The following IRF9 variants were observed in gnomAD, a reference collection of about 807,000 sequenced individuals.
IRF9 encodes IFN-alpha-responsive transcription factor subunit.
IRF9 carries 13 observed loss-of-function variants against 44.1 expected under a neutral mutation model. The observed-to-expected ratio is 0.29, with a 90% confidence interval of 0.19 to 0.47. IRF9 has a LOEUF of 0.47. Ranked by LOEUF, IRF9 falls within the 20% of genes least tolerant of loss-of-function variation. The pLI, the probability that IRF9 is intolerant of heterozygous loss-of-function variation, is 1.00. For missense variants in IRF9, 373 were observed against 496.1 expected (o/e 0.75, Z 2.36); for synonymous variants, 189 against 188.5 (o/e 1.00, Z -0.02).
intron 1 of IRF9, 147 bp from the exon 2 acceptor site, chr14:24,161,997 G>T: frequency 5.6e-6 from 4 of 709,436 alleles, no homozygotes; most frequent in Non-Finnish European, 9.7e-6. Flanking sequence ...CTGTCCCATA[G>T]AGTGTTGAAA....
rs1258496904 is a variant in IRF9, at chr14:24,164,802, C to G, written c.838C>G (p.Leu280Val). The G allele has an allele frequency of 6.2e-7, 1 of 1,610,070 alleles. No homozygotes were observed. Among genetic ancestry groups the G allele is most frequent in the Non-Finnish European group, 8.5e-7 (1 of 1,179,914 alleles). ...GCTGAGCCAGCTTGAGAGGGGCATC[C>G]TAGTGGCCAGCAACCCCCGAGGCCT... is the stretch of plus-strand genomic sequence containing the variant. ...RLLSQLERGI[L>V]VASNPRGLFV... is the part of the protein sequence containing the mutation. Residue 280 changes from leucine (L) to valine (V), a missense_variant, in exon 7 of 9, where the codon CTA becomes GTA. By Grantham distance (32) the Leu-to-Val change is conservative. Transcript: ENST00000396864. The surrounding 1 kb of genome is among the most constrained non-coding windows in gnomAD (Gnocchi z 5.2).
chr14:24,161,738 G>A (rs1172862806), intron 1 of IRF9, among the ~76,000 whole-genome samples: 1 of 152,136 alleles, frequency 6.6e-6, no homozygotes, highest in African/African-American at 2.4e-5. Flanking sequence ...TGGGTGAAGA[G>A]CCTGATGGAT....
chr14:24,163,549 A>G (rs1340834808), intron 4 of IRF9, 41 bp downstream of exon 4: 2 of 1,596,768 alleles, frequency 1.3e-6, no homozygotes, highest in Admixed American at 1.7e-5. Flanking sequence ...TAAGGGCAGG[A>G]CAGTAACCAG....
rs949543077 is a variant in IRF9, at chr14:24,164,600, T to C, written c.650-14T>C. The C allele has an allele frequency of 6.4e-6, 10 of 1,570,576 alleles. No homozygotes were observed. In the African/African-American group the frequency reaches 1.3e-4, roughly 21 times the overall value. Reference sequence around the variant, plus strand: ...ATGCTCCTCCAGCACCAGGTAGGGCTGTTCTATCCCCAGACTACTCACTGC... The same window carrying C: ...ATGCTCCTCCAGCACCAGGTAGGGCCGTTCTATCCCCAGACTACTCACTGC... On this transcript the variant is annotated splice_polypyrimidine_tract_variant and intron_variant, in intron 6 of 8. Transcript: ENST00000396864. This position sits in a 1 kb window ranked among gnomAD's most constrained non-coding sequence, Gnocchi z 5.2.
chr14:24,163,777 C>G, intron 4 of IRF9, 101 bp from the exon 5 acceptor site: 3 of 1,206,462 alleles, frequency 2.5e-6, no homozygotes, highest in Non-Finnish European at 3.5e-6. Context: ...GCGGAGATAG[C>G]AGTGAGCCGA....
intron 4 of IRF9, 39 bp from the exon 5 acceptor site, chr14:24,163,837 CAA>C (rs752202010): frequency 1.0e-5 from 16 of 1,562,578 alleles, no homozygotes; most frequent in Non-Finnish European, 1.4e-5. Flanking sequence ...AACTCTGTCT[CAA>C]AAAAAGAGAA....
Position 24,163,521 on chromosome 14 carries a change from G to A in IRF9, c.495+13G>A. ...CTCCCTCAATAATGTAAGAGATGGA[G>A]AGGGAACTGGGTGGGCCTAAGGGCA... On this transcript the variant is annotated intron_variant, in intron 4 of 8. Transcript: ENST00000396864. The A allele has an allele frequency of 6.2e-7, 1 of 1,613,176 alleles. No individual in the cohort carries two copies.
Position 24,162,004 on chromosome 14 carries a change from G to A in IRF9, c.-1-140G>A, listed in dbSNP as rs2038462837. On this transcript the variant is annotated intron_variant, in intron 1 of 8. Transcript: ENST00000396864. ...AAACAATTCTGTCCCATAGAGTGTTGAAATGTGTTTGGAGCTAAAAGAAGA... is the reference window on the plus strand; with the variant it reads ...AAACAATTCTGTCCCATAGAGTGTTAAAATGTGTTTGGAGCTAAAAGAAGA... 7 of 760,950 alleles carry A rather than the reference G, an allele frequency of 9.2e-6. No individual in the cohort carries two copies. In the East Asian group the frequency reaches 9.9e-5, roughly 11 times the overall value. The allele number at this position is 760,950 out of a possible 1,614,324, so 47.1% of individuals were successfully genotyped here. A position where few individuals can be genotyped will look rare whatever the true frequency, so the allele number is the denominator to read the frequency against.
At chr14:24,163,252 C>T in intron 3 of IRF9, 103 bp downstream of exon 3, 8 of 1,544,344 alleles carry the variant, frequency 5.2e-6, no homozygotes, top group African/African-American at 2.7e-5. Flanking sequence ...TGTCCATGCC[C>T]TTGGGGGGCT....
Position 24,164,463 on chromosome 14 carries a change from C to A in IRF9, c.650-151C>A. On this transcript the variant is annotated intron_variant, in intron 6 of 8. Coordinates refer to ENST00000396864, the MANE Select transcript of IRF9 (RefSeq NM_006084.5). The surrounding 1 kb of genome is among the most constrained non-coding windows in gnomAD (Gnocchi z 5.2). ...TGAGCCCTGAGGCCTCATGGTGAAT[C>A]ACATACTAGCTACTTGCCTCAGTGA... is the stretch of plus-strand genomic sequence containing the variant. The A allele has an allele frequency of 1.3e-6, 1 of 743,180 alleles. No homozygotes were observed. The highest frequency in any genetic ancestry group is 2.2e-6 in the Non-Finnish European group (1 of 449,088). The allele number at this position is 743,180 out of a possible 1,614,324, so 46.0% of individuals were successfully genotyped here.
Position 24,162,159 on chromosome 14 carries a change from G to T in IRF9, c.15G>T (p.Arg5Ser). The T allele has an allele frequency of 6.2e-7, 1 of 1,614,008 alleles. No individual in the cohort carries two copies. The highest frequency in any genetic ancestry group is 8.5e-7 in the Non-Finnish European group (1 of 1,179,944). Reference protein sequence around the residue: MASGRARCTRKLRNW... With the variant: MASGSARCTRKLRNW... ...TATCCCCCAGGATGGCATCAGGCAGGGCACGCTGCACCCGAAAACTCCGGA... is the reference window on the plus strand; with the variant it reads ...TATCCCCCAGGATGGCATCAGGCAGTGCACGCTGCACCCGAAAACTCCGGA... The change falls in exon 2 of 9, where the codon AGG (arginine) becomes AGT (serine). Residue 5 changes from arginine (R) to serine (S), a missense_variant. Physicochemically the swap from Arg to Ser is moderately radical, Grantham distance 110 (BLOSUM62 -1). This residue lies in a region of IRF9 where 227 missense variants were observed against 255.3 expected (regional missense o/e 0.89). Transcript: ENST00000396864.
At position 24,164,998 on chromosome 14, in the gene IRF9, C is replaced by T; in HGVS notation, c.991+43C>T. ...GGGCACATGAGCTTCCACCCCCTACCTCTTAGTACCCCCTGGGCCCAACTT... is the reference window on the plus strand; with the variant it reads ...GGGCACATGAGCTTCCACCCCCTACTTCTTAGTACCCCCTGGGCCCAACTT... On this transcript the variant is annotated intron_variant, in intron 7 of 8. Coordinates refer to ENST00000396864, the MANE Select transcript of IRF9 (RefSeq NM_006084.5). This position sits in a 1 kb window ranked among gnomAD's most constrained non-coding sequence, Gnocchi z 5.2. The T allele has an allele frequency of 6.3e-7, 1 of 1,583,096 alleles. No individual in the cohort carries two copies. The highest frequency in any genetic ancestry group is 8.6e-7 in the Non-Finnish European group (1 of 1,156,626).
chr14:24,161,778 G>A (rs1425670698), intron 1 of IRF9, among the ~76,000 whole-genome samples: 3 of 152,132 alleles, frequency 2.0e-5, no homozygotes, highest in Non-Finnish European at 4.4e-5. Context: ...GCTGATGCTC[G>A]GGAATCTAGA....
intron 2 of IRF9, 113 bp from the exon 3 acceptor site, chr14:24,162,853 C>A: frequency 1.2e-6 from 1 of 804,124 alleles, no homozygotes; most frequent in South Asian, 1.8e-5. Flanking sequence ...AGAGCACAGA[C>A]CCTGCATAAT....
intron 2 of IRF9, 164 bp from the exon 3 acceptor site, chr14:24,162,797 CAAAAA>C (rs373571727): frequency 4.7e-5 from 21 of 449,432 alleles, no homozygotes; most frequent in Middle Eastern, 5.7e-4. Flanking sequence ...GACTCTGTCT[CAAAAA>C]AAAAAAAAAA....
chr14:24,166,343 CACTG>C lies in IRF9; in HGVS notation c.*148_*151del, dbSNP rs2038522739. On this transcript the variant is annotated 3_prime_UTR_variant, in exon 9 of 9. Transcript: ENST00000396864. ...ATCGTGTCCTGAAAATCCTCGCACA[CACTG>C]GCTGGTGGAGAACTCAAGGCTAATT... 4.1e-6 allele frequency: 3 copies of C among 725,386 alleles called. No individual in the cohort carries two copies. The highest frequency in any genetic ancestry group is 7.1e-6 in the Non-Finnish European group (3 of 422,238). The allele number at this position is 725,386 out of a possible 1,614,324, so 44.9% of individuals were successfully genotyped here. A position where few individuals can be genotyped will look rare whatever the true frequency, so the allele number is the denominator to read the frequency against.
intron 8 of IRF9, 76 bp from the exon 9 acceptor site, chr14:24,166,046 G>C (rs908813104): frequency 6.3e-7 from 1 of 1,581,022 alleles, no homozygotes; most frequent in African/African-American, 1.3e-5. Context: ...TCTCCCAGTG[G>C]GGAAGGAGCT....
In IRF9 at chr14:24,166,502, C is replaced by G; in HGVS notation, c.*306C>G. 1 of 461,534 alleles carries G rather than the reference C, an allele frequency of 2.2e-6. No individual in the cohort carries two copies. Among genetic ancestry groups the G allele is most frequent in the Non-Finnish European group, 3.8e-6 (1 of 263,174 alleles). 28.6% of individuals were successfully genotyped at this position (461,534 alleles called of 1,614,324 possible). ...CTGACCTCCCAACTCTAAAGCCAAG[C>G]ACTTTATATTTTCCTCTTAGATATT... On this transcript the variant is annotated 3_prime_UTR_variant, in exon 9 of 9. Coordinates refer to ENST00000396864, the MANE Select transcript of IRF9 (RefSeq NM_006084.5).
At chr14:24,162,544 G>A in intron 2 of IRF9, 1 of 523,734 alleles carries the variant, frequency 1.9e-6, no homozygotes, top group South Asian at 2.4e-5. Context: ...GCTCACGCCT[G>A]TAATCCCAGC....
Sources: allele counts gnomAD v4.1 joint callset (sites outside exome capture counted in the v4.1 genomes callset), GRCh38; gene constraint gnomAD v4.1.1; regional missense constraint gnomAD v4.1.1; non-coding constraint Gnocchi (gnomAD v3.1); transcripts MANE v1.5; gene names NCBI Gene and HGNC (gene_info 2026-07-23, HGNC 2026-07-21).